The following SV2B variants were observed in gnomAD, a reference collection of about 807,000 sequenced individuals.
The protein encoded by SV2B is synaptic vesicle glycoprotein 2B, also known as solute carrier family 22 member B2.
Under a neutral mutation model 73.9 loss-of-function variants are expected in SV2B, and 41 were observed. That is an observed-to-expected ratio of 0.56 (90% CI 0.43 to 0.72). SV2B has a LOEUF of 0.72. SV2B is among the 30% of genes least tolerant of loss of function. The pLI is 0.00. For synonymous variants in SV2B, 314 were observed against 314.2 expected, an observed-to-expected ratio of 1.00 and a Z score of 0.01; for missense variants, 764 against 857.8, an observed-to-expected ratio of 0.89 and a Z score of 1.37.
At chr15:91,249,506 T>C (rs1035046406) in intron 2 of SV2B, among the ~76,000 whole-genome samples, 4 of 152,194 alleles carry the variant, frequency 2.6e-5, no homozygotes, top group South Asian at 2.1e-4. Context: ...GAAGAAAGAA[T>C]GAACTAATGT....
intron 1 of SV2B, among the ~76,000 whole-genome samples, chr15:91,198,498 T>C (rs971812032): frequency 8.1e-6 from 1 of 123,288 alleles, no homozygotes; most frequent in Non-Finnish European, 1.9e-5. Context: ...TGTGTGTGTG[T>C]AGGTGTGTGT....
At chr15:91,207,748 A>G (rs1395128198) in intron 1 of SV2B, among the ~76,000 whole-genome samples, 2 of 152,346 alleles carry the variant, frequency 1.3e-5, no homozygotes, top group South Asian at 4.1e-4. Context: ...GTGTATTTTT[A>G]TGGACAGTCA....
chr15:91,248,488 A>G lies in SV2B; in HGVS notation c.452-3331A>G, dbSNP rs529958832. Among the ~76,000 whole-genome samples, 3 of 152,362 alleles carry G rather than the reference A, an allele frequency of 2.0e-5. No individual in the cohort carries two copies. In the South Asian group the frequency reaches 6.2e-4, roughly 32 times the overall value. On this transcript the variant is annotated intron_variant, in intron 2 of 12. Transcript: ENST00000394232. ...AATTAATTTAAAATTAATGAATGGG[A>G]AGGCAACTTGGAGATCATCTCTAGT...
At chr15:91,219,250 C>T (rs1196777106) in intron 1 of SV2B, among the ~76,000 whole-genome samples, 5 of 152,310 alleles carry the variant, frequency 3.3e-5, no homozygotes, top group South Asian at 4.1e-4. Context: ...CACCTGGGCA[C>T]ATTCTGGGCT....
chr15:91,265,426 G>T lies in SV2B; in HGVS notation c.1009-1156G>T, dbSNP rs2141675106. The stretch of plus-strand genomic sequence containing the variant: ...ATTAGAGTGAGTAATTATGCTTCAA[G>T]TTGTCAACACACTCACTCCCTAATC... On this transcript the variant is annotated intron_variant, in intron 6 of 12. Coordinates refer to ENST00000394232, the MANE Select transcript of SV2B (RefSeq NM_001323032.3). The surrounding 1 kb of genome is among the most constrained non-coding windows in gnomAD (Gnocchi z 4.2). Among the ~76,000 whole-genome samples, 1 of 152,204 alleles carries T rather than the reference G, an allele frequency of 6.6e-6. No individual in the cohort carries two copies. Among genetic ancestry groups the T allele is most frequent in the East Asian group, 1.9e-4 (1 of 5,194 alleles).
chr15:91,226,212 C>T lies in SV2B; in HGVS notation c.-52C>T. 2 of 1,566,310 alleles carry T rather than the reference C, an allele frequency of 1.3e-6. No individual in the cohort carries two copies. The highest frequency in any genetic ancestry group is 2.3e-5 in the South Asian group (2 of 88,276). ...ATTGAAATAGCCCAAACCTCTACCA[C>T]AGAGCGAGGGATATAGCTCAAGGGG... On this transcript the variant is annotated 5_prime_UTR_variant, in exon 2 of 13. Coordinates refer to ENST00000394232, the MANE Select transcript of SV2B (RefSeq NM_001323032.3).
At chr15:91,238,137 G>A (rs929832726) in intron 2 of SV2B, among the ~76,000 whole-genome samples, 1 of 152,116 alleles carries the variant, frequency 6.6e-6, no homozygotes, top group African/African-American at 2.4e-5. Context: ...AAACTGATAC[G>A]AATAAATCAG....
rs1414766932 is a variant in SV2B, at chr15:91,132,173, C to T, written c.-392+31810C>T. ...TACACTCCAGTGTGGCCGCAGACCC[C>T]AGCAGCGGCTCAAGAGCCCAGCTAC... On this transcript the variant is annotated intron_variant, in intron 1 of 12. Coordinates refer to ENST00000394232, the MANE Select transcript of SV2B (RefSeq NM_001323032.3). This position sits in a 1 kb window ranked among gnomAD's most constrained non-coding sequence, Gnocchi z 4.6. Among the ~76,000 whole-genome samples, 13 of 152,186 alleles carry T rather than the reference C, an allele frequency of 8.5e-5. No homozygotes were observed. Among genetic ancestry groups the T allele is most frequent in the Admixed American group, 7.9e-4 (12 of 15,280 alleles).
rs2046984966 is a variant in SV2B at position 91,240,896 on chromosome 15, C to G, written c.452-10923C>G. On this transcript the variant is annotated intron_variant, in intron 2 of 12. Coordinates refer to ENST00000394232, the MANE Select transcript of SV2B (RefSeq NM_001323032.3). The surrounding 1 kb of genome is among the most constrained non-coding windows in gnomAD (Gnocchi z 4.6). ...CACAGCCTCCACTCTTGTACCATTG[C>G]TCTTTCTTGCTCCCCCTGGACATTT... 1.3e-5 allele frequency among the ~76,000 whole-genome samples: 2 copies of G among 152,310 alleles called. No individual in the cohort carries two copies. The highest frequency in any genetic ancestry group is 6.5e-5 in the Admixed American group (1 of 15,302).
rs2048995220 is a variant in SV2B, at chr15:91,290,193, T to C, written c.1868+513T>C. On this transcript the variant is annotated intron_variant, in intron 12 of 12. Transcript: ENST00000394232. The surrounding 1 kb of genome is among the most constrained non-coding windows in gnomAD (Gnocchi z 4.7). ...GTTTAAAGGCATAGGATCAAGGCCA[T>C]TACTTAGTAATTGTTTTTCTTCGTG... 6.6e-6 allele frequency among the ~76,000 whole-genome samples: 1 copy of C among 152,198 alleles called. No homozygotes were observed. Among genetic ancestry groups the C allele is most frequent in the African/African-American group, 2.4e-5 (1 of 41,432 alleles).
At position 91,132,755 on chromosome 15, in the gene SV2B, C is replaced by T. The variant is rs1428764178; in HGVS notation, c.-392+32392C>T. Reference sequence around the variant, plus strand: ...CTGGAGAGGCTGAGGTGGGAGGATCCGTTGAGCCCAGGAGTTTGAGGCTGC... The same window carrying T: ...CTGGAGAGGCTGAGGTGGGAGGATCTGTTGAGCCCAGGAGTTTGAGGCTGC... On this transcript the variant is annotated intron_variant, in intron 1 of 12. Coordinates refer to ENST00000394232, the MANE Select transcript of SV2B (RefSeq NM_001323032.3). The surrounding 1 kb of genome is among the most constrained non-coding windows in gnomAD (Gnocchi z 4.6). Among the ~76,000 whole-genome samples, 1 of 151,974 alleles carries T rather than the reference C, an allele frequency of 6.6e-6. No individual in the cohort carries two copies. The highest frequency in any genetic ancestry group is 2.4e-5 in the African/African-American group (1 of 41,384).
intron 1 of SV2B, among the ~76,000 whole-genome samples, chr15:91,172,356 A>G (rs1338326101): frequency 6.6e-6 from 1 of 152,138 alleles, no homozygotes; most frequent in Non-Finnish European, 1.5e-5. Context: ...TCTTCCCTTC[A>G]AGGTCTCCTA....
chr15:91,274,624 T>A (rs566668581), intron 9 of SV2B, among the ~76,000 whole-genome samples: 1 of 152,180 alleles, frequency 6.6e-6, no homozygotes, highest in South Asian at 2.1e-4. Flanking sequence ...TAATTGTAAG[T>A]CCTCCTTTTT....
intron 6 of SV2B, among the ~76,000 whole-genome samples, chr15:91,263,754 T>C (rs1371870998): frequency 3.9e-5 from 6 of 152,142 alleles, no homozygotes; most frequent in Admixed American, 3.9e-4. Flanking sequence ...TTGGGTTGAA[T>C]GGACTTCCCG....
chr15:91,200,296 T>A (rs2045414168), intron 1 of SV2B, among the ~76,000 whole-genome samples: 1 of 152,200 alleles, frequency 6.6e-6, no homozygotes, highest in Non-Finnish European at 1.5e-5. Context: ...CCAGCAAAAT[T>A]GCTAGGAACA....
chr15:91,270,747 CAG>C (rs536867538), intron 9 of SV2B, among the ~76,000 whole-genome samples: 37 of 149,798 alleles, frequency 2.5e-4, no homozygotes, highest in African/African-American at 8.5e-4. Flanking sequence ...GAGGAGGAAA[CAG>C]GGGCTGAAGA....
rs1310293598 is a variant in SV2B, at chr15:91,118,572, A to T, written c.-392+18209A>T. ...TCACAAAAGGAGGAAATCTGCCTGG[A>T]GAAGAGGCTGGGTGTGTGGACAGCT... On this transcript the variant is annotated intron_variant, in intron 1 of 12. Coordinates refer to ENST00000394232, the MANE Select transcript of SV2B (RefSeq NM_001323032.3). This position sits in a 1 kb window ranked among gnomAD's most constrained non-coding sequence, Gnocchi z 4.7. Among the ~76,000 whole-genome samples the T allele has an allele frequency of 1.3e-5, 2 of 152,296 alleles. No individual in the cohort carries two copies. The highest frequency in any genetic ancestry group is 4.2e-4 in the South Asian group (2 of 4,814).
At chr15:91,210,900 AG>A (rs2045831915) in intron 1 of SV2B, among the ~76,000 whole-genome samples, 1 of 152,240 alleles carries the variant, frequency 6.6e-6, no homozygotes, top group African/African-American at 2.4e-5. Flanking sequence ...ACGGGACATG[AG>A]GGCAGGAGCT....
Position 91,232,652 on chromosome 15 carries a change from A to G in SV2B, c.451+5938A>G, listed in dbSNP as rs2046623627. ...GGCTTTCTAATCTGATTAGATTTAA[A>G]GAGTTTATTGTTTGAGTGTGACATA... On this transcript the variant is annotated intron_variant, in intron 2 of 12. Coordinates refer to ENST00000394232, the MANE Select transcript of SV2B (RefSeq NM_001323032.3). This position sits in a 1 kb window ranked among gnomAD's most constrained non-coding sequence, Gnocchi z 4.7. Among the ~76,000 whole-genome samples, 2 of 152,218 alleles carry G rather than the reference A, an allele frequency of 1.3e-5. No homozygotes were observed. The highest frequency in any genetic ancestry group is 2.9e-5 in the Non-Finnish European group (2 of 68,040).
Sources: allele counts gnomAD v4.1 joint callset (sites outside exome capture counted in the v4.1 genomes callset), GRCh38; gene constraint gnomAD v4.1.1; non-coding constraint Gnocchi (gnomAD v3.1); transcripts MANE v1.5; gene names NCBI Gene and HGNC (gene_info 2026-07-23, HGNC 2026-07-21).